ERBB4: variants seen among roughly 807,000 people sequenced by gnomAD.
The protein encoded by ERBB4 is erb-b2 receptor tyrosine kinase 4.
Under a neutral mutation model 158.0 loss-of-function variants are expected in ERBB4, and 42 were observed. That is an observed-to-expected ratio of 0.27 (90% confidence interval 0.21 to 0.34). The LOEUF (loss-of-function observed/expected upper bound fraction) is 0.34. ERBB4 is among the 10% of genes least tolerant of loss of function. The probability of loss-of-function intolerance (pLI) is 1.00; values close to 1 mark genes in which losing one functional copy is unlikely to be tolerated. For missense variants in ERBB4, 1,333 were observed against 1,624.1 expected (o/e 0.82, Z 3.08); for synonymous variants, 583 against 558.7 (o/e 1.04, Z -0.61).
In ERBB4 at chr2:212,354,924, G is replaced by A. The variant is rs566578280; in HGVS notation, c.82+183525C>T. Among the ~76,000 whole-genome samples, 5 of 151,616 alleles carry A rather than the reference G, an allele frequency of 3.3e-5. No homozygotes were observed. The South Asian group carries it at 6.2e-4, about 19-fold the overall frequency. On this transcript the variant is annotated intron_variant, in intron 1 of 27. Transcript: ENST00000342788. Reference sequence around the variant, plus strand: ...AGCTATATATTAAATACAGATACTCGTGTTAGGCTTATGAGTGCTACAATG... The same window carrying A: ...AGCTATATATTAAATACAGATACTCATGTTAGGCTTATGAGTGCTACAATG...
At chr2:211,639,356 C>T (rs1255774377) in intron 16 of ERBB4, among the ~76,000 whole-genome samples, 1 of 152,020 alleles carries the variant, frequency 6.6e-6, no homozygotes, top group Admixed American at 6.6e-5. Flanking sequence ...ATTTAAATGT[C>T]CAGGATTCAG....
At chr2:212,150,764 A>T (rs935170433) in intron 1 of ERBB4, among the ~76,000 whole-genome samples, 1 of 152,222 alleles carries the variant, frequency 6.6e-6, no homozygotes, top group Admixed American at 6.5e-5. Context: ...AACTGCTTAC[A>T]TTCATGCCTA....
chr2:212,281,016 AT>A (rs950267689), intron 1 of ERBB4, among the ~76,000 whole-genome samples: 2 of 151,672 alleles, frequency 1.3e-5, no homozygotes, highest in Admixed American at 6.6e-5. Flanking sequence ...AGATAAGAAA[AT>A]TTTTTTTGTA....
At chr2:212,503,280 C>T (rs939236863) in intron 1 of ERBB4, among the ~76,000 whole-genome samples, 1 of 152,026 alleles carries the variant, frequency 6.6e-6, no homozygotes, top group Non-Finnish European at 1.5e-5. Flanking sequence ...TTAGAGTTAC[C>T]AAATCAAAAT....
intron 1 of ERBB4, among the ~76,000 whole-genome samples, chr2:212,390,782 A>T: frequency 6.6e-6 from 1 of 151,782 alleles, no homozygotes; most frequent in South Asian, 2.1e-4. Flanking sequence ...TTCTTCTTTA[A>T]GCTTAATACT....
At chr2:212,091,845 C>G (rs1408337446) in intron 2 of ERBB4, among the ~76,000 whole-genome samples, 2 of 152,084 alleles carry the variant, frequency 1.3e-5, no homozygotes, top group Non-Finnish European at 2.9e-5. Flanking sequence ...AATTTTAAAA[C>G]ATATCTTTAA....
intron 7 of ERBB4, among the ~76,000 whole-genome samples, chr2:211,719,593 C>T (rs1183143856): frequency 6.6e-6 from 1 of 152,084 alleles, no homozygotes; most frequent in East Asian, 1.9e-4. Context: ...CGGTGGGTCA[C>T]GTCTGTAATC....
chr2:211,515,340 T>G (rs372151162), intron 20 of ERBB4, among the ~76,000 whole-genome samples: 1 of 152,192 alleles, frequency 6.6e-6, no homozygotes, highest in East Asian at 1.9e-4. Flanking sequence ...CACTGTTGGA[T>G]GAATTCTGGC....
intron 20 of ERBB4, among the ~76,000 whole-genome samples, chr2:211,517,798 A>T (rs1316305156): frequency 6.6e-6 from 1 of 152,170 alleles, no homozygotes; most frequent in African/African-American, 2.4e-5. Context: ...TGCCATTTCC[A>T]CCAAGGTAAA....
At chr2:212,239,583 C>T (rs769474511) in intron 1 of ERBB4, among the ~76,000 whole-genome samples, 2 of 152,058 alleles carry the variant, frequency 1.3e-5, no homozygotes, top group Admixed American at 6.6e-5. Context: ...GCTTCCAGTC[C>T]CACTGCTACT....
chr2:212,251,458 G>A (rs552074507), intron 1 of ERBB4, among the ~76,000 whole-genome samples: 1 of 151,920 alleles, frequency 6.6e-6, no homozygotes, highest in African/African-American at 2.4e-5. Context: ...AGACACGATA[G>A]GTAAAACATA....
chr2:211,764,393 T>C (rs916395946), intron 4 of ERBB4, among the ~76,000 whole-genome samples: 4 of 152,220 alleles, frequency 2.6e-5, no homozygotes, highest in Admixed American at 6.5e-5. Flanking sequence ...TTCTAAAAAA[T>C]GTTTTTGGTC....
At chr2:211,562,820 G>A (rs908946217) in intron 19 of ERBB4, among the ~76,000 whole-genome samples, 3 of 134,472 alleles carry the variant, frequency 2.2e-5, no homozygotes, top group Admixed American at 7.5e-5. Flanking sequence ...CGCCCAGGCT[G>A]GAGTGCAGTG....
chr2:212,520,101 T>C (rs1692071605), intron 1 of ERBB4, among the ~76,000 whole-genome samples: 1 of 151,808 alleles, frequency 6.6e-6, no homozygotes, highest in Non-Finnish European at 1.5e-5. Context: ...ATTGGAAAAA[T>C]ATAATTTAAA....
intron 3 of ERBB4, among the ~76,000 whole-genome samples, chr2:211,810,742 G>A (rs6435674): frequency 0.21 from 29,415 of 142,476 alleles, 3,135 homozygotes; most frequent in South Asian, 0.35. Context: ...GCGCAATCTC[G>A]GCTCACTGCA....
At chr2:211,547,297 CA>C (rs1389072545) in intron 20 of ERBB4, among the ~76,000 whole-genome samples, 1 of 151,984 alleles carries the variant, frequency 6.6e-6, no homozygotes, top group Non-Finnish European at 1.5e-5. Flanking sequence ...TGGTTGTGAT[CA>C]ATTGTGGAAG....
chr2:211,595,853 G>A (rs141070612), intron 19 of ERBB4, among the ~76,000 whole-genome samples: 2 of 152,158 alleles, frequency 1.3e-5, no homozygotes, highest in African/African-American at 4.8e-5. Flanking sequence ...TGTGGGACTT[G>A]AGTATGCGTG....
intron 2 of ERBB4, among the ~76,000 whole-genome samples, chr2:211,985,356 A>G (rs542982688): frequency 6.6e-6 from 1 of 152,300 alleles, no homozygotes; most frequent in Admixed American, 6.5e-5. Flanking sequence ...CTCTTAATTT[A>G]CTATCGAATC....
chr2:212,223,046 A>T (rs2105959305), intron 1 of ERBB4, among the ~76,000 whole-genome samples: 1 of 151,672 alleles, frequency 6.6e-6, no homozygotes, highest in Non-Finnish European at 1.5e-5. Flanking sequence ...AAACTGGTTT[A>T]AAATAACTCT....
Sources: allele counts gnomAD v4.1 joint callset (sites outside exome capture counted in the v4.1 genomes callset), GRCh38; gene constraint gnomAD v4.1.1; transcripts MANE v1.5; gene names NCBI Gene and HGNC (gene_info 2026-07-23, HGNC 2026-07-21).